The following RYR2 variants were observed in gnomAD, a reference collection of about 807,000 sequenced individuals.
RYR2 encodes the protein cardiac muscle ryanodine receptor-calcium release channel.
In RYR2, 227 loss-of-function variants were observed where a neutral mutation model predicts 601.1. The ratio of observed to expected loss-of-function variants is 0.38; its 90% CI spans 0.34 to 0.42. The LOEUF (loss-of-function observed/expected upper bound fraction) is 0.42. Ranked by LOEUF, RYR2 falls within the 10% of genes least tolerant of loss-of-function variation. RYR2 has a pLI of 1.00. For missense variants in RYR2, 4,646 were observed against 6,156.5 expected, an observed-to-expected ratio of 0.75 and a Z score of 8.21; for synonymous variants, 2,223 against 2,175.1, an observed-to-expected ratio of 1.02 and a Z score of -0.61.
intron 27 of RYR2, among the ~76,000 whole-genome samples, chr1:237,557,896 G>C (rs925224025): frequency 6.6e-6 from 1 of 152,162 alleles, no homozygotes; most frequent in Non-Finnish European, 1.5e-5. Flanking sequence ...TCTTCAGTTT[G>C]AGGTGCATGT....
At chr1:237,579,046 T>A (rs1405420969) in intron 29 of RYR2, among the ~76,000 whole-genome samples, 1 of 152,082 alleles carries the variant, frequency 6.6e-6, no homozygotes, top group East Asian at 1.9e-4. Context: ...AAAACACAAC[T>A]AAGAAGGCCA....
Position 237,648,333 on chromosome 1 carries a change from C to A in RYR2, c.7343-111C>A, listed in dbSNP as rs545622061. ...TGAGGGTAGTCGAAGAACAGAAAGC[C>A]ATTTCATTGAAAACTGTGTTTAAAA... On this transcript the variant is annotated intron_variant, in intron 48 of 104. Coordinates refer to ENST00000366574, the MANE Select transcript of RYR2 (RefSeq NM_001035.3). 34 of 956,938 alleles carry A rather than the reference C, an allele frequency of 3.6e-5. No homozygotes were observed. In the African/African-American group the frequency reaches 5.2e-4, roughly 15 times the overall value. 59.3% of individuals were successfully genotyped at this position (956,938 alleles called of 1,614,324 possible). A position where few individuals can be genotyped will look rare whatever the true frequency, so the allele number is the denominator to read the frequency against.
intron 100 of RYR2, among the ~76,000 whole-genome samples, chr1:237,814,710 G>A (rs905972965): frequency 6.6e-6 from 1 of 152,120 alleles, no homozygotes; most frequent in Non-Finnish European, 1.5e-5. Flanking sequence ...TGGCTAGATA[G>A]CCAGGGAGTC....
chr1:237,670,268 G>A (rs1223147910), intron 58 of RYR2, among the ~76,000 whole-genome samples: 3 of 149,780 alleles, frequency 2.0e-5, no homozygotes, highest in African/African-American at 7.4e-5. Flanking sequence ...CGGCATCAGA[G>A]GGAGACCGTG....
At chr1:237,616,918 A>T (rs1009120727) in intron 37 of RYR2, among the ~76,000 whole-genome samples, 3 of 152,140 alleles carry the variant, frequency 2.0e-5, no homozygotes, top group Admixed American at 6.6e-5. Flanking sequence ...TAAAACCATC[A>T]GATCTTGTGA....
At chr1:237,631,783 T>G (rs138077876) in intron 42 of RYR2, among the ~76,000 whole-genome samples, 29 of 151,228 alleles carry the variant, frequency 1.9e-4, no homozygotes, top group African/African-American at 3.9e-4. Flanking sequence ...GCCCGCCACC[T>G]CGCCCGGCTA....
At chr1:237,626,623 G>A (rs1344826366) in intron 40 of RYR2, among the ~76,000 whole-genome samples, 8 of 101,894 alleles carry the variant, frequency 7.9e-5, no homozygotes, top group African/African-American at 2.3e-4. Flanking sequence ...AGACAGTCTC[G>A]CTCCATCACC....
Position 237,117,890 on chromosome 1 carries a change from A to T in RYR2, c.48+75321A>T, listed in dbSNP as rs1044673871. On this transcript the variant is annotated intron_variant, in intron 1 of 104. Coordinates refer to ENST00000366574, the MANE Select transcript of RYR2 (RefSeq NM_001035.3). ...CCTCCCAAGTAGCTGGGTTACAGGC[A>T]TGCACCACCACGCCTCACTAATTTT... Among the ~76,000 whole-genome samples, 9 of 152,194 alleles carry T rather than the reference A, an allele frequency of 5.9e-5. 1 individual carries two copies. The highest frequency in any genetic ancestry group is 2.2e-4 in the African/African-American group (9 of 41,520).
Position 237,506,717 on chromosome 1 carries a change from T to A in RYR2, c.2621T>A (p.Leu874Ter). The A allele has an allele frequency of 6.2e-7, 1 of 1,611,434 alleles. No homozygotes were observed. The highest frequency in any genetic ancestry group is 2.2e-5 in the East Asian group (1 of 44,844). The change falls in exon 23 of 105, where the codon TTG becomes TAG. Residue 874 changes from leucine (L) to a stop codon, truncating the protein, a stop_gained. Transcript: ENST00000366574. LOFTEE classifies it high-confidence loss of function. ...PIPVDTSQIV[L>*]PPHLERIREK... ...TCTTTTTGTAAATTTTAGATCGTGT[T>A]GCCTCCTCATCTAGAAAGAATAAGA... is the stretch of plus-strand genomic sequence containing the variant.
chr1:237,100,899 C>G (rs1429194714), intron 1 of RYR2, among the ~76,000 whole-genome samples: 1 of 152,106 alleles, frequency 6.6e-6, no homozygotes, highest in Non-Finnish European at 1.5e-5. Context: ...TTCATCCCAT[C>G]TGTCCCGGCC....
intron 17 of RYR2, among the ~76,000 whole-genome samples, chr1:237,477,725 G>A (rs546012335): frequency 1.3e-5 from 2 of 152,292 alleles, no homozygotes; most frequent in East Asian, 3.9e-4. Context: ...GTGTGGGTCT[G>A]AGTTCAGAGG....
At chr1:237,295,823 CTATT>C (rs1191142650) in intron 2 of RYR2, among the ~76,000 whole-genome samples, 1 of 152,146 alleles carries the variant, frequency 6.6e-6, no homozygotes, top group Non-Finnish European at 1.5e-5. Context: ...AGTAAACACG[CTATT>C]TAGAGTGTTG....
rs528035920 is a variant in RYR2, at chr1:237,830,643, G to A, written c.14756+13G>A. 16 of 1,426,352 alleles carry A rather than the reference G, an allele frequency of 1.1e-5. No individual in the cohort carries two copies. Among genetic ancestry groups the A allele is most frequent in the Middle Eastern group, 1.8e-4 (1 of 5,714 alleles). 88.4% of individuals were successfully genotyped at this position (1,426,352 alleles called of 1,614,324 possible). On this transcript the variant is annotated intron_variant, in intron 103 of 104. Transcript: ENST00000366574. ...TGGCTAATTACTTGTGAGTGTGCCC[G>A]TTTCAGAATCTTCCACCTCTCCAGT... is the stretch of plus-strand genomic sequence containing the variant.
chr1:237,173,672 C>T (rs183017367), intron 1 of RYR2, among the ~76,000 whole-genome samples: 1 of 152,278 alleles, frequency 6.6e-6, no homozygotes, highest in African/African-American at 2.4e-5. Context: ...TATACACGCA[C>T]ACAGTTTATA....
At chr1:237,264,278 T>C (rs1054349349) in intron 1 of RYR2, among the ~76,000 whole-genome samples, 4 of 152,184 alleles carry the variant, frequency 2.6e-5, no homozygotes, top group Admixed American at 2.0e-4. Flanking sequence ...ATTTTCTTTC[T>C]CTTGTTCTGG....
intron 63 of RYR2, among the ~76,000 whole-genome samples, chr1:237,691,317 A>G (rs181609996): frequency 1.3e-5 from 2 of 152,330 alleles, no homozygotes; most frequent in African/African-American, 4.8e-5. Flanking sequence ...AATATGTCAG[A>G]AAGTGGAGAC....
At chr1:237,074,185 G>T (rs1385936490) in intron 1 of RYR2, among the ~76,000 whole-genome samples, 1 of 151,870 alleles carries the variant, frequency 6.6e-6, no homozygotes, top group Non-Finnish European at 1.5e-5. Context: ...GGGTGTGGTG[G>T]AACGTGCCTG....
intron 79 of RYR2, among the ~76,000 whole-genome samples, chr1:237,735,620 ATTCAT>A (rs1691075672): frequency 1.3e-5 from 2 of 152,198 alleles, no homozygotes; most frequent in South Asian, 4.1e-4. Flanking sequence ...ATCTCTCAGT[ATTCAT>A]GGGGGATTGG....
intron 15 of RYR2, among the ~76,000 whole-genome samples, 167 bp from the exon 16 acceptor site, chr1:237,456,433 C>G (rs899875713): frequency 6.6e-6 from 1 of 152,194 alleles, no homozygotes; most frequent in Non-Finnish European, 1.5e-5. Flanking sequence ...ATTTCACATG[C>G]AAATGTGTGT....
Sources: gnomAD v4.1 joint callset for allele counts (sites outside exome capture counted in the v4.1 genomes callset) on GRCh38, gnomAD v4.1.1 for gene constraint, MANE v1.5 for transcripts, NCBI Gene and HGNC (gene_info 2026-07-23, HGNC 2026-07-21) for gene names.